ENOX1: variants seen among roughly 807,000 people sequenced by gnomAD.
ENOX1 encodes the protein ecto-NOX disulfide-thiol exchanger 1.
In ENOX1, 42 loss-of-function variants were observed where a neutral mutation model predicts 82.5. That is an observed-to-expected ratio of 0.51 (90% CI 0.40 to 0.66). ENOX1 has a LOEUF of 0.66. Among genes scored for constraint, ENOX1 ranks in the 30% least tolerant of loss-of-function variants. ENOX1 has a pLI of 0.00. For synonymous variants in ENOX1, 271 were observed against 282.2 expected, an observed-to-expected ratio of 0.96 and a Z score of 0.40; for missense variants, 608 against 811.6, an observed-to-expected ratio of 0.75 and a Z score of 3.05.
In ENOX1 at chr13:43,259,782, C is replaced by G. The variant is rs531106779; in HGVS notation, c.1611+5616G>C. On this transcript the variant is annotated intron_variant, in intron 14 of 16. Transcript: ENST00000690772. Reference sequence around the variant, plus strand: ...AGCCACCGTGCCCGGCCTTATTTTCCTTTTGATAGAGCTGTGGGTTGGGGT... The same window carrying G: ...AGCCACCGTGCCCGGCCTTATTTTCGTTTTGATAGAGCTGTGGGTTGGGGT... Among the ~76,000 whole-genome samples the G allele has an allele frequency of 2.7e-4, 41 of 152,046 alleles. 1 individual carries two copies. The highest frequency in any genetic ancestry group is 5.0e-4 in the Non-Finnish European group (34 of 67,980).
At chr13:43,371,923 A>G (rs1247798338) in intron 5 of ENOX1, among the ~76,000 whole-genome samples, 4 of 152,210 alleles carry the variant, frequency 2.6e-5, no homozygotes, top group Non-Finnish European at 5.9e-5. Flanking sequence ...TCTAATATTA[A>G]TTTAATTTTT....
At chr13:43,441,981 A>C (rs376078947) in intron 3 of ENOX1, among the ~76,000 whole-genome samples, 2 of 152,270 alleles carry the variant, frequency 1.3e-5, no homozygotes, top group East Asian at 3.9e-4. Flanking sequence ...TGTGGGTCCA[A>C]ATTTGATGCT....
chr13:43,625,751 T>G (rs1233306404), intron 2 of ENOX1, among the ~76,000 whole-genome samples: 1 of 151,974 alleles, frequency 6.6e-6, no homozygotes, highest in Non-Finnish European at 1.5e-5. Context: ...TGCTAATATT[T>G]GCTAAGTATT....
At chr13:43,337,249 T>C (rs2048766055) in intron 9 of ENOX1, among the ~76,000 whole-genome samples, 1 of 152,218 alleles carries the variant, frequency 6.6e-6, no homozygotes, top group Non-Finnish European at 1.5e-5. Context: ...TTAGGTCTTC[T>C]ATGTGCTTAC....
intron 2 of ENOX1, among the ~76,000 whole-genome samples, chr13:43,651,773 G>A (rs945588847): frequency 6.6e-6 from 1 of 150,644 alleles, no homozygotes; most frequent in Non-Finnish European, 1.5e-5. Flanking sequence ...TCAGGAGATC[G>A]AGACCAGCCT....
intron 2 of ENOX1, among the ~76,000 whole-genome samples, chr13:43,666,813 A>G (rs74318190): frequency 0.13 from 20,106 of 152,168 alleles, 1,794 homozygotes; most frequent in East Asian, 0.32. Flanking sequence ...GCTTTGGCTC[A>G]GTTAATGGGT....
Position 43,653,614 on chromosome 13 carries a change from G to A in ENOX1, c.-219+13865C>T, listed in dbSNP as rs1021564304. 2.0e-5 allele frequency among the ~76,000 whole-genome samples: 3 copies of A among 150,016 alleles called. No individual in the cohort carries two copies. The East Asian group carries it at 5.8e-4, about 29-fold the overall frequency. ...AGGCTTCAAATTTGTATGTGCAAAA[G>A]ACAGTAAATTCTAACATTAAAATTC... On this transcript the variant is annotated intron_variant, in intron 2 of 16. Transcript: ENST00000690772.
At chr13:43,311,585 G>A (rs1292609140) in intron 11 of ENOX1, among the ~76,000 whole-genome samples, 1 of 152,044 alleles carries the variant, frequency 6.6e-6, no homozygotes, top group African/African-American at 2.4e-5. Context: ...GGGCACAGTG[G>A]GCAGAGACTG....
chr13:43,567,149 T>C (rs566680268), intron 2 of ENOX1, among the ~76,000 whole-genome samples: 1 of 152,168 alleles, frequency 6.6e-6, no homozygotes, highest in Non-Finnish European at 1.5e-5. Flanking sequence ...TGGAGGAAAA[T>C]ATATATACAA....
intron 10 of ENOX1, among the ~76,000 whole-genome samples, chr13:43,324,392 G>A (rs528220089): frequency 4.2e-4 from 64 of 152,280 alleles, no homozygotes; most frequent in African/African-American, 1.5e-3. Flanking sequence ...TCCACAGGGT[G>A]CCTCTGGTTC....
intron 11 of ENOX1, among the ~76,000 whole-genome samples, chr13:43,310,417 A>G (rs1443562389): frequency 6.6e-6 from 1 of 152,048 alleles, no homozygotes; most frequent in Admixed American, 6.5e-5. Flanking sequence ...TTTAAAAATG[A>G]CTTCCTTCCA....
At chr13:43,608,613 T>C (rs2082069154) in intron 2 of ENOX1, among the ~76,000 whole-genome samples, 1 of 152,060 alleles carries the variant, frequency 6.6e-6, no homozygotes, top group South Asian at 2.1e-4. Flanking sequence ...GTCATAGGAG[T>C]TAACCAAGAA....
chr13:43,482,109 C>T (rs1318825370), intron 3 of ENOX1, among the ~76,000 whole-genome samples: 1 of 152,152 alleles, frequency 6.6e-6, no homozygotes, highest in East Asian at 1.9e-4. Flanking sequence ...AAAAATAGAA[C>T]TACCATATGA....
In ENOX1 at chr13:43,344,561, G is replaced by C. The variant is rs200076696; in HGVS notation, c.1013C>G (p.Ala338Gly). 2 of 1,614,118 alleles carry C rather than the reference G, an allele frequency of 1.2e-6. No homozygotes were observed. Among genetic ancestry groups the C allele is most frequent in the Non-Finnish European group, 1.7e-6 (2 of 1,179,994 alleles). Residue 338 changes from alanine to glycine, a missense_variant, in exon 9 of 17, where the codon GCC (alanine) becomes GGC (glycine). Coordinates refer to ENST00000690772, the MANE Select transcript of ENOX1 (RefSeq NM_001347969.2). ...ACATTGAGTGAGAATCCCAGTTAAGGCATTTTTAAAATTCTCCTTGGCTTC... is the reference window on the plus strand; with the variant it reads ...ACATTGAGTGAGAATCCCAGTTAAGCCATTTTTAAAATTCTCCTTGGCTTC... ...MEEAKENFKN[A>G]LTGILTQFEQ... is the part of the protein sequence containing the mutation.
intron 3 of ENOX1, among the ~76,000 whole-genome samples, chr13:43,470,377 C>CACATATATATGTATATATGT (rs1555290142): frequency 3.7e-5 from 1 of 27,034 alleles, no homozygotes; most frequent in African/African-American, 1.3e-4. Context: ...TATATATATA[C>CACATATATATGTATATATGT]ATATATATAC....
At chr13:43,539,542 C>T (rs1033716726) in intron 2 of ENOX1, among the ~76,000 whole-genome samples, 4 of 152,068 alleles carry the variant, frequency 2.6e-5, no homozygotes, top group African/African-American at 9.7e-5. Context: ...TTATGATCAA[C>T]TTTTAATTAT....
rs1048882866 is a variant in ENOX1, at chr13:43,274,684, T to G, written c.1447-5107A>C. On this transcript the variant is annotated intron_variant, in intron 12 of 16. Coordinates refer to ENST00000690772, the MANE Select transcript of ENOX1 (RefSeq NM_001347969.2). Reference sequence around the variant, plus strand: ...GTGTGGCATTAAACAGATGCACTATTACATTCTTTGGTGGTTACAATGGAG... The same window carrying G: ...GTGTGGCATTAAACAGATGCACTATGACATTCTTTGGTGGTTACAATGGAG... Among the ~76,000 whole-genome samples the G allele has an allele frequency of 3.9e-5, 6 of 152,228 alleles. No individual in the cohort carries two copies. The South Asian group carries it at 1.0e-3, about 26-fold the overall frequency.
intron 14 of ENOX1, among the ~76,000 whole-genome samples, chr13:43,250,413 T>C (rs114262601): frequency 0.012 from 1,795 of 152,342 alleles, 33 homozygotes; most frequent in African/African-American, 0.039. Flanking sequence ...TGTGATCCAA[T>C]GTGCTCCCAA....
intron 2 of ENOX1, among the ~76,000 whole-genome samples, chr13:43,573,881 A>C (rs943854473): frequency 2.6e-5 from 4 of 152,214 alleles, no homozygotes; most frequent in Non-Finnish European, 4.4e-5. Context: ...TTCAGTATCC[A>C]GCATTAAAGG....
Sources: allele counts gnomAD v4.1 joint callset (sites outside exome capture counted in the v4.1 genomes callset), GRCh38; gene constraint gnomAD v4.1.1; transcripts MANE v1.5; gene names NCBI Gene and HGNC (gene_info 2026-07-23, HGNC 2026-07-21).